TPST1: variants seen among roughly 807,000 people sequenced by gnomAD.
TPST1 encodes tyrosylprotein sulfotransferase 1, also known as protein-tyrosine sulfotransferase 1.
TPST1 carries 20 observed loss-of-function variants against 34.8 expected under a neutral mutation model. The ratio of observed to expected loss-of-function variants is 0.57; its 90% CI spans 0.40 to 0.84. The LOEUF (loss-of-function observed/expected upper bound fraction) is 0.84, where lower values mean the gene tolerates loss of function less well. TPST1 is among the 40% of genes least tolerant of loss of function. The pLI is 0.00. For missense variants in TPST1, 353 were observed against 455.5 expected, an observed-to-expected ratio of 0.78 and a Z score of 2.05; for synonymous variants, 152 against 159.4, an observed-to-expected ratio of 0.95 and a Z score of 0.35.
chr7:66,243,941 ATTT>A lies in TPST1; in HGVS notation c.845+2690_845+2692del, dbSNP rs55829208. ...TATTTAAACATTTTTATTCTGGGAA[ATTT>A]TTTTTTTTTTTTTTTTTTCTTCGAG... is the stretch of plus-strand genomic sequence containing the variant. On this transcript the variant is annotated intron_variant, in intron 2 of 5. Coordinates refer to ENST00000304842, the MANE Select transcript of TPST1 (RefSeq NM_003596.4). Among the ~76,000 whole-genome samples, 1,037 of 116,212 alleles carry A rather than the reference ATTT, an allele frequency of 8.9e-3. 10 individuals carry two copies. Among genetic ancestry groups the A allele is most frequent in the East Asian group, 0.047 (212 of 4,508 alleles). The allele number at this position is 116,212 out of a possible 152,430, so 76.2% of individuals were successfully genotyped here.
chr7:66,252,876 A>G (rs999296321), intron 2 of TPST1, among the ~76,000 whole-genome samples: 2 of 152,148 alleles, frequency 1.3e-5, no homozygotes, highest in African/African-American at 4.8e-5. Flanking sequence ...GAATTTATTA[A>G]TCAATATGGA....
intron 2 of TPST1, among the ~76,000 whole-genome samples, chr7:66,264,027 G>A (rs186232119): frequency 9.4e-4 from 143 of 152,304 alleles, no homozygotes; most frequent in African/African-American, 3.1e-3. Flanking sequence ...CTGTGTTTCT[G>A]TACTGGAGGG....
intron 2 of TPST1, among the ~76,000 whole-genome samples, chr7:66,256,832 C>T (rs1562818000): frequency 6.6e-6 from 1 of 152,206 alleles, no homozygotes; most frequent in Non-Finnish European, 1.5e-5. Flanking sequence ...ATATGGCCCT[C>T]TTAATTTGCC....
At chr7:66,342,019 A>T (rs1024858939) in intron 3 of TPST1, among the ~76,000 whole-genome samples, 1 of 152,158 alleles carries the variant, frequency 6.6e-6, no homozygotes, top group Non-Finnish European at 1.5e-5. Context: ...TAGAAGCAAA[A>T]TTCAAGTTGT....
At chr7:66,235,880 C>T (rs745726417) in intron 1 of TPST1, among the ~76,000 whole-genome samples, 5 of 152,146 alleles carry the variant, frequency 3.3e-5, no homozygotes, top group Non-Finnish European at 5.9e-5. Context: ...TTCCAGGTCA[C>T]TGATAGGTGA....
intron 3 of TPST1, among the ~76,000 whole-genome samples, chr7:66,324,727 A>G (rs1443055751): frequency 6.9e-6 from 1 of 145,384 alleles, no homozygotes; most frequent in Non-Finnish European, 1.5e-5. Context: ...TGAACTCGGG[A>G]GGCAGAGGTT....
intron 3 of TPST1, among the ~76,000 whole-genome samples, chr7:66,345,447 C>T (rs780299832): frequency 4.9e-5 from 7 of 141,528 alleles, no homozygotes; most frequent in Non-Finnish European, 1.1e-4. Context: ...GAGCTGGGCA[C>T]CACTGCACTC....
intron 1 of TPST1, among the ~76,000 whole-genome samples, chr7:66,234,432 G>GAC (rs34418019): frequency 3.1e-3 from 104 of 33,400 alleles, no homozygotes; most frequent in Middle Eastern, 0.011. Context: ...CACACACACA[G>GAC]ACACACACAC....
intron 3 of TPST1, among the ~76,000 whole-genome samples, chr7:66,316,999 A>G (rs1264162708): frequency 1.3e-5 from 2 of 152,166 alleles, no homozygotes; most frequent in African/African-American, 4.8e-5. Flanking sequence ...TGATGAAATA[A>G]TCTGTACAGC....
intron 3 of TPST1, among the ~76,000 whole-genome samples, chr7:66,316,871 A>G (rs551107375): frequency 6.6e-6 from 1 of 152,314 alleles, no homozygotes; most frequent in Non-Finnish European, 1.5e-5. Context: ...GCACTAAATG[A>G]TGAGAACACA....
At chr7:66,284,365 T>TC (rs1458714461) in intron 2 of TPST1, among the ~76,000 whole-genome samples, 1 of 151,744 alleles carries the variant, frequency 6.6e-6, no homozygotes, top group Non-Finnish European at 1.5e-5. Flanking sequence ...TTTACATTTT[T>TC]TTTATTGTTC....
intron 3 of TPST1, among the ~76,000 whole-genome samples, chr7:66,346,767 TG>T (rs992855268): frequency 1.3e-5 from 2 of 152,134 alleles, no homozygotes; most frequent in African/African-American, 2.4e-5. Context: ...TTCTTCCATT[TG>T]GGGGATTGTC....
intron 3 of TPST1, among the ~76,000 whole-genome samples, chr7:66,312,073 G>T (rs1347509252): frequency 6.6e-6 from 1 of 152,216 alleles, no homozygotes; most frequent in Non-Finnish European, 1.5e-5. Context: ...CCAGCTCTTT[G>T]TTGGTTTTGT....
chr7:66,237,895 C>T (rs1048872366), intron 1 of TPST1, among the ~76,000 whole-genome samples: 6 of 152,150 alleles, frequency 3.9e-5, no homozygotes, highest in Admixed American at 1.3e-4. Flanking sequence ...GGCCCAATAA[C>T]GAGATGCAGA....
At chr7:66,286,784 T>A in intron 3 of TPST1, 75 bp downstream of exon 3, 1 of 1,188,988 alleles carries the variant, frequency 8.4e-7, no homozygotes, top group South Asian at 2.9e-5. Context: ...TTTTCTTATT[T>A]TATTTCTTGC....
chr7:66,334,615 G>A (rs1159828436), intron 3 of TPST1, among the ~76,000 whole-genome samples: 2 of 134,670 alleles, frequency 1.5e-5, no homozygotes, highest in Admixed American at 7.8e-5. Flanking sequence ...CAGCCTGGGT[G>A]AAAGAGCGAG....
At chr7:66,311,545 C>T (rs2116123383) in intron 3 of TPST1, among the ~76,000 whole-genome samples, 2 of 152,302 alleles carry the variant, frequency 1.3e-5, no homozygotes, top group Admixed American at 1.3e-4. Context: ...CAGAATACCT[C>T]AGTCTTTCTT....
rs560263970 is a variant in TPST1 at position 66,327,989 on chromosome 7, T to C, written c.1045-24516T>C. Among the ~76,000 whole-genome samples, 11 of 150,026 alleles carry C rather than the reference T, an allele frequency of 7.3e-5. No individual in the cohort carries two copies. In the East Asian group the frequency reaches 2.1e-3, roughly 29 times the overall value. On this transcript the variant is annotated intron_variant, in intron 3 of 5. Transcript: ENST00000304842. ...TTGTTGTGTTTTTGGTGTTTTTTTTTCTTTCTTTTTTTTTTCCTTTCCTTT... is the reference window on the plus strand; with the variant it reads ...TTGTTGTGTTTTTGGTGTTTTTTTTCCTTTCTTTTTTTTTTCCTTTCCTTT...
At chr7:66,255,049 A>G (rs1232774711) in intron 2 of TPST1, among the ~76,000 whole-genome samples, 3 of 150,026 alleles carry the variant, frequency 2.0e-5, no homozygotes, top group African/African-American at 7.4e-5. Flanking sequence ...CGGGAGGCTG[A>G]GGCAGGAGAA....
Sources: allele counts gnomAD v4.1 joint callset (sites outside exome capture counted in the v4.1 genomes callset), GRCh38; gene constraint gnomAD v4.1.1; transcripts MANE v1.5; gene names NCBI Gene and HGNC (gene_info 2026-07-23, HGNC 2026-07-21).